The following DISP1 variants were observed in gnomAD, a reference collection of about 807,000 sequenced individuals.
DISP1 encodes the protein dispatched RND transporter family member 1.
A neutral mutation model predicts 37.3 loss-of-function variants in DISP1; 30 were observed. That is an observed-to-expected ratio of 0.80 (90% CI 0.60 to 1.09). The LOEUF (loss-of-function observed/expected upper bound fraction) is 1.09. Among genes scored for constraint, DISP1 ranks in the 50% least tolerant of loss-of-function variants. DISP1 has a pLI of 0.00. For synonymous variants in DISP1, 634 were observed against 690.2 expected (o/e 0.92, Z 1.28); for missense variants, 1,598 against 1,879.5 (o/e 0.85, Z 2.77).
intron 1 of DISP1, among the ~76,000 whole-genome samples, chr1:222,822,672 A>G (rs759841565): frequency 9.8e-5 from 15 of 152,334 alleles, no homozygotes; most frequent in Admixed American, 2.0e-4. Flanking sequence ...TCTGTTTTAC[A>G]ATTCTACAGT....
intron 1 of DISP1, among the ~76,000 whole-genome samples, chr1:222,917,477 A>G (rs998560860): frequency 6.6e-6 from 1 of 152,218 alleles, no homozygotes; most frequent in Non-Finnish European, 1.5e-5. Flanking sequence ...CAGCAGCAAT[A>G]TAAGGTCAGT....
chr1:222,984,417 A>ATATATATATATATATAT (rs201043580), intron 4 of DISP1, among the ~76,000 whole-genome samples: 4 of 76,416 alleles, frequency 5.2e-5, no homozygotes, highest in African/African-American at 2.0e-4. Context: ...AAAAAAAAAA[A>ATATATATATATATATAT]AAAAATATAT....
At chr1:222,943,367 A>G (rs1319083097) in intron 3 of DISP1, 35 bp downstream of exon 3, 2 of 1,613,716 alleles carry the variant, frequency 1.2e-6, no homozygotes, top group Middle Eastern at 1.6e-4. Context: ...TTAGCATTCA[A>G]CTAATGCCAC....
chr1:222,913,592 CTA>C (rs1672324761), intron 1 of DISP1, among the ~76,000 whole-genome samples: 1 of 151,946 alleles, frequency 6.6e-6, no homozygotes, highest in Non-Finnish European at 1.5e-5. Context: ...TTGCAAGGTA[CTA>C]GCACTAAACA....
rs150671718 is a variant in DISP1 at position 223,003,668 on chromosome 1, G to C, written c.2271G>C (p.Ser757=). Reference sequence around the variant, plus strand: ...TATCCGAGTTCCAGGTGTTCCGGTCGTCCCATCCTTTTGAGCGTTATGATG... The same window carrying C: ...TATCCGAGTTCCAGGTGTTCCGGTCCTCCCATCCTTTTGAGCGTTATGATG... ...LELSEFQVFR[S]SHPFERYDAE... The change falls in exon 9 of 9, where the codon TCG becomes TCC. Residue 757 remains serine, a synonymous_variant. Transcript: ENST00000675850. The surrounding 1 kb of genome is among the most constrained non-coding windows in gnomAD (Gnocchi z 4.3). The C allele has an allele frequency of 1.9e-6, 3 of 1,614,046 alleles. No homozygotes were observed. Among genetic ancestry groups the C allele is most frequent in the Non-Finnish European group, 2.5e-6 (3 of 1,180,014 alleles).
chr1:222,869,792 T>A (rs532217659), intron 1 of DISP1, among the ~76,000 whole-genome samples: 42 of 152,302 alleles, frequency 2.8e-4, no homozygotes, highest in Non-Finnish European at 4.9e-4. Context: ...CTCTTTTTTT[T>A]AATATTATTA....
chr1:222,872,262 C>G (rs562072508), intron 1 of DISP1: 1 of 152,150 alleles, frequency 6.6e-6, no homozygotes, highest in African/African-American at 2.4e-5. Context: ...TTTGTTGTGT[C>G]TCTGCCAGGC....
At position 222,983,064 on chromosome 1, in the gene DISP1, CT is replaced by C. The variant is rs761469315; in HGVS notation, c.510-4del. 46,978 of 990,570 alleles carry C rather than the reference CT, an allele frequency of 0.047. 7 individuals carry two copies. The highest frequency in any genetic ancestry group is 0.066 in the South Asian group (3,463 of 52,142). 61.4% of individuals were successfully genotyped at this position (990,570 alleles called of 1,614,324 possible). Reference sequence around the variant, plus strand: ...TCTGTTTTTGATCATTTTTCCTTTGCTTTTTTTTTTTTCAGACCATCCAGAC... The same window carrying C: ...TCTGTTTTTGATCATTTTTCCTTTGCTTTTTTTTTTTCAGACCATCCAGAC... On this transcript the variant is annotated splice_polypyrimidine_tract_variant and intron_variant, in intron 3 of 8. Coordinates refer to ENST00000675850, the MANE Select transcript of DISP1 (RefSeq NM_001377229.1).
At chr1:222,898,801 G>C (rs986119952) in intron 1 of DISP1, among the ~76,000 whole-genome samples, 1 of 151,888 alleles carries the variant, frequency 6.6e-6, no homozygotes, top group Non-Finnish European at 1.5e-5. Flanking sequence ...TGCTTTCAGG[G>C]TTTGGTTATA....
chr1:222,983,207 C>A, intron 4 of DISP1, 98 bp downstream of exon 4: 1 of 956,566 alleles, frequency 1.0e-6, no homozygotes, highest in Non-Finnish European at 1.7e-6. Context: ...TTTCACTTTC[C>A]TCATTCATAT....
At chr1:222,825,151 T>TG (rs1321016833) in intron 1 of DISP1, among the ~76,000 whole-genome samples, 14 of 54,550 alleles carry the variant, frequency 2.6e-4, no homozygotes, top group Admixed American at 4.6e-4. Flanking sequence ...ATGGGGAATG[T>TG]GGGGGGGCAG....
intron 1 of DISP1, among the ~76,000 whole-genome samples, chr1:222,907,973 A>G (rs778468029): frequency 6.6e-6 from 1 of 152,146 alleles, no homozygotes; most frequent in Non-Finnish European, 1.5e-5. Context: ...AAATAAAATA[A>G]AGATTTGATT....
chr1:222,932,070 C>T (rs1558336389), intron 2 of DISP1, among the ~76,000 whole-genome samples: 1 of 151,858 alleles, frequency 6.6e-6, no homozygotes, highest in Non-Finnish European at 1.5e-5. Context: ...GTACCAGGTC[C>T]AACTGTTTTC....
intron 1 of DISP1, among the ~76,000 whole-genome samples, chr1:222,824,155 A>G (rs1412258877): frequency 2.0e-5 from 3 of 152,146 alleles, no homozygotes; most frequent in African/African-American, 7.2e-5. Flanking sequence ...GTTTTTCAGA[A>G]CAGTAATAAG....
chr1:223,004,436 C>T lies in DISP1; in HGVS notation c.3039C>T (p.Ile1013=). ...TWNIIISLYA[I]ISIAGTIFVT... is the part of the protein sequence containing the mutation. ...ACATCATCATAAGCCTTTATGCCAT[C>T]ATTTCAATTGCTGGAACGATATTTG... The change falls in exon 9 of 9, where the codon ATC becomes ATT. Residue 1013 remains isoleucine, a synonymous_variant. Transcript: ENST00000675850. This position sits in a 1 kb window ranked among gnomAD's most constrained non-coding sequence, Gnocchi z 4.9. 6.2e-7 allele frequency: 1 copy of T among 1,614,200 alleles called. No homozygotes were observed. The highest frequency in any genetic ancestry group is 8.5e-7 in the Non-Finnish European group (1 of 1,180,032).
chr1:222,900,717 A>G (rs1324167176), intron 1 of DISP1, among the ~76,000 whole-genome samples: 6 of 152,208 alleles, frequency 3.9e-5, no homozygotes, highest in African/African-American at 1.4e-4. Context: ...GAGATAAGAG[A>G]TCAAGATGAA....
intron 1 of DISP1, among the ~76,000 whole-genome samples, chr1:222,868,473 C>A (rs35597626): frequency 6.6e-6 from 1 of 151,640 alleles, no homozygotes; most frequent in Admixed American, 6.6e-5. Context: ...TGTTTGGGAG[C>A]GGAATTATTC....
At chr1:222,923,367 T>C (rs1466209686) in intron 1 of DISP1, among the ~76,000 whole-genome samples, 3 of 152,170 alleles carry the variant, frequency 2.0e-5, no homozygotes, top group Non-Finnish European at 2.9e-5. Context: ...CTTGTGCAAC[T>C]GGAACACTGA....
chr1:222,993,383 A>AATT, intron 7 of DISP1, among the ~76,000 whole-genome samples: 1 of 152,342 alleles, frequency 6.6e-6, no homozygotes. Context: ...TTTTTAATTA[A>AATT]GTGAATATTA....
Sources: allele counts gnomAD v4.1 joint callset (sites outside exome capture counted in the v4.1 genomes callset), GRCh38; gene constraint gnomAD v4.1.1; non-coding constraint Gnocchi (gnomAD v3.1); transcripts MANE v1.5; gene names NCBI Gene and HGNC (gene_info 2026-07-23, HGNC 2026-07-21).